Variants in ATAD2B observed in about 807,000 individuals in gnomAD.
The protein encoded by ATAD2B is ATPase family AAA domain containing 2B.
A neutral mutation model predicts 167.6 loss-of-function variants in ATAD2B; 40 were observed. That is an observed-to-expected ratio of 0.24 (90% CI 0.19 to 0.31). The LOEUF (loss-of-function observed/expected upper bound fraction) is 0.31, where lower values mean the gene tolerates loss of function less well. Among genes scored for constraint, ATAD2B ranks in the 10% least tolerant of loss-of-function variants. The probability of loss-of-function intolerance (pLI) is 1.00; values close to 1 mark genes in which losing one functional copy is unlikely to be tolerated. For synonymous variants in ATAD2B, 579 were observed against 596.5 expected, an observed-to-expected ratio of 0.97 and a Z score of 0.43; for missense variants, 1,242 against 1,757.2, an observed-to-expected ratio of 0.71 and a Z score of 5.24.
At chr2:23,899,174 T>C (rs1009439461) in intron 1 of ATAD2B, among the ~76,000 whole-genome samples, 1 of 151,846 alleles carries the variant, frequency 6.6e-6, no homozygotes, top group Non-Finnish European at 1.5e-5. Context: ...TAGTTGGGCA[T>C]AGTGGTATGC....
At chr2:23,895,691 T>TA in intron 2 of ATAD2B, 128 bp downstream of exon 2, 1 of 583,218 alleles carries the variant, frequency 1.7e-6, no homozygotes, top group Non-Finnish European at 2.7e-6. Flanking sequence ...AAAATAAGTT[T>TA]AATACAATTT....
chr2:23,690,309 AGAG>A, the ATAD2B span: 1 of 152,204 alleles, frequency 6.6e-6, no homozygotes, highest in African/African-American at 2.4e-5. Flanking sequence ...ATTTTGCAGA[AGAG>A]GAGGCTGAGG....
chr2:23,754,417 G>T, intron 26 of ATAD2B, 110 bp from the exon 27 acceptor site: 1 of 1,244,272 alleles, frequency 8.0e-7, no homozygotes, highest in Non-Finnish European at 1.1e-6. Context: ...ATGTAACAGT[G>T]AACATGAAAT....
chr2:23,890,325 C>T (rs1464158360), intron 2 of ATAD2B, among the ~76,000 whole-genome samples: 1 of 152,060 alleles, frequency 6.6e-6, no homozygotes, highest in African/African-American at 2.4e-5. Flanking sequence ...GCCCCCCCGC[C>T]TTTCCTCTAG....
At chr2:23,923,414 G>C (rs947537635) in intron 1 of ATAD2B, among the ~76,000 whole-genome samples, 1 of 152,130 alleles carries the variant, frequency 6.6e-6, no homozygotes, top group African/African-American at 2.4e-5. Context: ...ATATAGCATA[G>C]TGCCTACATC....
chr2:23,909,453 C>T lies in ATAD2B; in HGVS notation c.217-13483G>A, dbSNP rs191184361. On this transcript the variant is annotated intron_variant, in intron 1 of 27. Coordinates refer to ENST00000238789, the MANE Select transcript of ATAD2B (RefSeq NM_017552.4). ...ATACATACATACATATATATATATACACACACACACACATACATATATATA... is the reference window on the plus strand; with the variant it reads ...ATACATACATACATATATATATATATACACACACACACATACATATATATA... Among the ~76,000 whole-genome samples, 828 of 141,808 alleles carry T rather than the reference C, an allele frequency of 5.8e-3. 7 individuals are homozygous for T. Among genetic ancestry groups the T allele is most frequent in the Middle Eastern group, 0.027 (7 of 260 alleles). The allele number at this position is 141,808 out of a possible 152,430, so 93.0% of individuals were successfully genotyped here. A position where few individuals can be genotyped will look rare whatever the true frequency, so the allele number is the denominator to read the frequency against.
At chr2:23,687,789 G>A in the ATAD2B span, among the ~76,000 whole-genome samples, 10 of 152,186 alleles carry the variant, frequency 6.6e-5, no homozygotes, top group African/African-American at 2.2e-4. Context: ...GTGACTCCAC[G>A]TTGCTGCAGG....
chr2:23,762,861 G>A (rs906848060), intron 23 of ATAD2B, among the ~76,000 whole-genome samples: 3 of 151,952 alleles, frequency 2.0e-5, no homozygotes, highest in African/African-American at 7.3e-5. Context: ...TCTTCTATGT[G>A]GTCCTTAAGT....
chr2:23,903,876 C>T (rs928417840), intron 1 of ATAD2B, among the ~76,000 whole-genome samples: 1 of 151,766 alleles, frequency 6.6e-6, no homozygotes, highest in African/African-American at 2.4e-5. Context: ...ACTAGATTAG[C>T]GATATCAGTG....
chr2:23,696,495 A>G, the ATAD2B span: 3 of 1,531,926 alleles, frequency 2.0e-6, no homozygotes, highest in Non-Finnish European at 2.6e-6. This position sits in a 1 kb window ranked among gnomAD's most constrained non-coding sequence, Gnocchi z 5.5. Flanking sequence ...GTGGCAGGCA[A>G]CGTGGACCAC....
intron 8 of ATAD2B, among the ~76,000 whole-genome samples, chr2:23,873,799 T>C (rs1453428059): frequency 6.6e-6 from 1 of 152,212 alleles, no homozygotes; most frequent in Non-Finnish European, 1.5e-5. Context: ...AATGTATTGT[T>C]AGATCTGTAA....
intron 16 of ATAD2B, among the ~76,000 whole-genome samples, chr2:23,820,864 G>T (rs887480131): frequency 6.6e-6 from 1 of 152,084 alleles, no homozygotes; most frequent in African/African-American, 2.4e-5. Flanking sequence ...CAGAAGAATG[G>T]TGTGAACCCA....
At chr2:23,922,012 A>C (rs1704003598) in intron 1 of ATAD2B, among the ~76,000 whole-genome samples, 1 of 152,170 alleles carries the variant, frequency 6.6e-6, no homozygotes, top group Non-Finnish European at 1.5e-5. Flanking sequence ...AAGGTGATAA[A>C]AGTATACTAA....
chr2:23,790,885 G>A (rs1313158002), intron 19 of ATAD2B, among the ~76,000 whole-genome samples: 3 of 152,170 alleles, frequency 2.0e-5, no homozygotes, highest in Non-Finnish European at 4.4e-5. Context: ...TTTTACAGAT[G>A]TGTAGCCATC....
intron 13 of ATAD2B, among the ~76,000 whole-genome samples, chr2:23,839,866 C>T (rs1482677391): frequency 6.6e-6 from 1 of 152,100 alleles, no homozygotes; most frequent in African/African-American, 2.4e-5. Flanking sequence ...CCTTAGTTCT[C>T]CACCCATACT....
At chr2:23,844,913 C>A (rs1008524608) in intron 13 of ATAD2B, among the ~76,000 whole-genome samples, 7 of 151,328 alleles carry the variant, frequency 4.6e-5, no homozygotes, top group Non-Finnish European at 8.8e-5. Context: ...GAGAAAACTC[C>A]ACCAAGATAT....
In ATAD2B at chr2:23,828,939, C is replaced by G. The variant is rs1688635639; in HGVS notation, c.1729G>C (p.Ala577Pro). ...TGGATCTGTAAGATGTGTTTTCTTG[C>G]CTAAGATGAAAAGCACAGATACATA... is the stretch of plus-strand genomic sequence containing the variant. ...EFLFNLPDQKARKHILQIHTR... is the reference protein window; with the variant it reads ...EFLFNLPDQKPRKHILQIHTR... Residue 577 changes from alanine to proline, a missense_variant and splice_region_variant, in exon 15 of 28, where the codon GCA becomes CCA. Ala to Pro is a conservative substitution (Grantham distance 27). Coordinates refer to ENST00000238789, the MANE Select transcript of ATAD2B (RefSeq NM_017552.4). 6.3e-7 allele frequency: 1 copy of G among 1,588,612 alleles called. No individual in the cohort carries two copies. Among genetic ancestry groups the G allele is most frequent in the Admixed American group, 1.7e-5 (1 of 58,638 alleles).
chr2:23,744,143 G>T (rs1674670951), downstream of ATAD2B, among the ~76,000 whole-genome samples: 1 of 152,160 alleles, frequency 6.6e-6, no homozygotes, highest in Non-Finnish European at 1.5e-5. Flanking sequence ...GGTGAGGGCA[G>T]ATATTACTAT....
At chr2:23,704,556 C>T in the ATAD2B span, among the ~76,000 whole-genome samples, 1 of 152,196 alleles carries the variant, frequency 6.6e-6, no homozygotes, top group Non-Finnish European at 1.5e-5. Context: ...CAGTTGAGAT[C>T]AGGAGTTCAA....
Sources: allele counts gnomAD v4.1 joint callset (sites outside exome capture counted in the v4.1 genomes callset), GRCh38; gene constraint gnomAD v4.1.1; non-coding constraint Gnocchi (gnomAD v3.1); transcripts MANE v1.5; gene names NCBI Gene and HGNC (gene_info 2026-07-23, HGNC 2026-07-21).